TTC23L: variants seen among roughly 807,000 people sequenced by gnomAD.
TTC23L encodes tetratricopeptide repeat protein 23-like.
TTC23L carries 42 observed loss-of-function variants against 48.1 expected under a neutral mutation model. The observed-to-expected ratio is 0.87, with a 90% confidence interval of 0.68 to 1.13. The LOEUF (loss-of-function observed/expected upper bound fraction) is 1.13. TTC23L is among the 50% of genes most tolerant of loss of function. The pLI is 0.00. For missense variants in TTC23L, 391 were observed against 421.0 expected (o/e 0.93, Z 0.62); for synonymous variants, 159 against 157.2 (o/e 1.01, Z -0.09).
chr5:34,892,070 TG>T (rs1762900863), intron 9 of TTC23L, among the ~76,000 whole-genome samples: 2 of 152,158 alleles, frequency 1.3e-5, no homozygotes, highest in Admixed American at 6.5e-5. Context: ...AGCAAAACCA[TG>T]GGGGTAACTG....
chr5:34,864,409 T>C (rs768238461), intron 5 of TTC23L, 28 bp from the exon 6 acceptor site: 74 of 1,612,404 alleles, frequency 4.6e-5, no homozygotes, highest in Non-Finnish European at 6.2e-5. Context: ...TTAGTTTGAG[T>C]GCTTGCCATT....
intron 6 of TTC23L, 44 bp downstream of exon 6, chr5:34,864,606 CT>C: frequency 1.3e-6 from 2 of 1,583,998 alleles, no homozygotes; most frequent in Non-Finnish European, 1.7e-6. Flanking sequence ...ATGAATGAGG[CT>C]TGGAATTACA....
chr5:34,904,913 C>T, the TTC23L span, among the ~76,000 whole-genome samples: 1 of 152,166 alleles, frequency 6.6e-6, no homozygotes, highest in Non-Finnish European at 1.5e-5. Flanking sequence ...TTCACATATC[C>T]TGAATACCTC....
chr5:34,919,779 A>G, the TTC23L span: 2 of 549,998 alleles, frequency 3.6e-6, no homozygotes, highest in Admixed American at 8.0e-5. Flanking sequence ...ATGTGGTTTG[A>G]TTGAAATAAC....
chr5:34,906,597 C>T, the TTC23L span: 4 of 152,112 alleles, frequency 2.6e-5, no homozygotes, highest in African/African-American at 9.7e-5. Context: ...TGTAATCCTA[C>T]AACTGTACTC....
chr5:34,922,791 G>A, the TTC23L span: 2 of 1,601,276 alleles, frequency 1.2e-6, no homozygotes, highest in Non-Finnish European at 1.7e-6. Flanking sequence ...TTCAGTGTAT[G>A]AGGTCTAATT....
chr5:34,854,172 A>T (rs1454476155), intron 4 of TTC23L, among the ~76,000 whole-genome samples: 1 of 152,228 alleles, frequency 6.6e-6, no homozygotes, highest in Non-Finnish European at 1.5e-5. Context: ...TTCCTGCTGC[A>T]TGAATAGAGA....
the TTC23L span, among the ~76,000 whole-genome samples, chr5:34,912,158 G>A: frequency 6.6e-6 from 1 of 152,230 alleles, no homozygotes; most frequent in African/African-American, 2.4e-5. Flanking sequence ...AATTGCTGCA[G>A]AACAGGGTAT....
chr5:34,916,002 G>A, the TTC23L span: 1 of 1,339,618 alleles, frequency 7.5e-7, no homozygotes, highest in African/African-American at 1.5e-5. Flanking sequence ...AGTAGCCCGG[G>A]TGTTAACGGT....
chr5:34,897,149 C>T (rs966936809), intron 10 of TTC23L, among the ~76,000 whole-genome samples: 5 of 152,104 alleles, frequency 3.3e-5, no homozygotes, highest in African/African-American at 1.2e-4. Flanking sequence ...CTTTCAGAGG[C>T]TGAGGCAGGT....
rs367912768 is a variant in TTC23L at position 34,840,817 on chromosome 5, G to A, written c.68+78G>A. 1.4e-4 allele frequency: 182 copies of A among 1,340,250 alleles called. 1 individual carries two copies. In the African/African-American group the frequency reaches 2.4e-3, roughly 18 times the overall value. The allele number at this position is 1,340,250 out of a possible 1,614,324, so 83.0% of individuals were successfully genotyped here. A position where few individuals can be genotyped will look rare whatever the true frequency, so the allele number is the denominator to read the frequency against. On this transcript the variant is annotated intron_variant, in intron 2 of 10. Transcript: ENST00000505624. ...GGACCTCCTGCTTAAGGCAAACCTG[G>A]GTGAGGAGCTTTGCATGAGAAGCGT...
intron 10 of TTC23L, among the ~76,000 whole-genome samples, chr5:34,898,210 C>T (rs537189450): frequency 6.6e-6 from 1 of 152,300 alleles, no homozygotes; most frequent in South Asian, 2.1e-4. Context: ...GACTTTATTA[C>T]CTTCTACTGG....
At chr5:34,880,236 C>A in exon 9 of TTC23L, 1 of 1,613,460 alleles carries the variant, frequency 6.2e-7, no homozygotes, top group Non-Finnish European at 8.5e-7. Flanking sequence ...CAACATTGGG[C>A]TCAGAGGATT....
At chr5:34,918,788 T>A in the TTC23L span, 1 of 195,118 alleles carries the variant, frequency 5.1e-6, no homozygotes. Context: ...TCCTAAGTGC[T>A]AAGGACTGCC....
intron 9 of TTC23L, among the ~76,000 whole-genome samples, chr5:34,896,023 A>G (rs1484221824): frequency 6.6e-6 from 1 of 152,222 alleles, no homozygotes; most frequent in Non-Finnish European, 1.5e-5. Flanking sequence ...CCAGGTAGCC[A>G]AACAAGGGGC....
At chr5:34,915,997 C>T in the TTC23L span, 8 of 1,367,780 alleles carry the variant, frequency 5.8e-6, no homozygotes, top group Middle Eastern at 3.8e-4. Flanking sequence ...TTCAGAGTAG[C>T]CCGGGTGTTA....
intron 3 of TTC23L, among the ~76,000 whole-genome samples, chr5:34,846,883 G>C (rs1009381338): frequency 3.9e-5 from 6 of 152,050 alleles, no homozygotes; most frequent in Non-Finnish European, 8.8e-5. Flanking sequence ...GCCAGAAACA[G>C]AAGGTAGCAG....
At chr5:34,845,720 T>TTCC in intron 3 of TTC23L, 47 bp downstream of exon 3, 1 of 1,546,258 alleles carries the variant, frequency 6.5e-7, no homozygotes, top group Non-Finnish European at 8.7e-7. Flanking sequence ...TAAAAATATG[T>TTCC]TCCTGTTTAG....
chr5:34,924,756 T>C, the TTC23L span: 1 of 760,674 alleles, frequency 1.3e-6, no homozygotes, highest in South Asian at 2.3e-5. Flanking sequence ...TTATCAATTA[T>C]TTCAGGCACA....
Sources: allele counts gnomAD v4.1 joint callset (sites outside exome capture counted in the v4.1 genomes callset), GRCh38; gene constraint gnomAD v4.1.1; transcripts MANE v1.5; gene names NCBI Gene and HGNC (gene_info 2026-07-23, HGNC 2026-07-21).